COLEC10: variants seen among roughly 807,000 people sequenced by gnomAD.
The protein encoded by COLEC10 is collectin subfamily member 10, also known as collectin-10.
Under a neutral mutation model 28.4 loss-of-function variants are expected in COLEC10, and 22 were observed. The ratio of observed to expected loss-of-function variants is 0.78; its 90% CI spans 0.55 to 1.11. The LOEUF (loss-of-function observed/expected upper bound fraction) is 1.11, where lower values mean the gene tolerates loss of function less well. Ranked by LOEUF, COLEC10 falls within the 50% of genes least tolerant of loss-of-function variation. The probability of loss-of-function intolerance (pLI) is 0.00; values close to 1 mark genes in which losing one functional copy is unlikely to be tolerated. For synonymous variants in COLEC10, 125 were observed against 116.1 expected (o/e 1.08, Z -0.49); for missense variants, 361 against 344.1 (o/e 1.05, Z -0.39).
At chr8:119,001,943 A>C (rs1209082057) in intron 1 of COLEC10, among the ~76,000 whole-genome samples, 1 of 152,342 alleles carries the variant, frequency 6.6e-6, no homozygotes, top group East Asian at 1.9e-4. Context: ...TCAAAACCAT[A>C]TTCAATTTGT....
chr8:119,058,152 A>T (rs1055494411), intron 2 of COLEC10, among the ~76,000 whole-genome samples: 5 of 152,046 alleles, frequency 3.3e-5, no homozygotes, highest in South Asian at 2.1e-4. Flanking sequence ...GTCAAAATAC[A>T]ATTTGTCTAC....
upstream of COLEC10, among the ~76,000 whole-genome samples, chr8:119,064,650 C>G (rs1814920283): frequency 6.6e-6 from 1 of 152,188 alleles, no homozygotes; most frequent in South Asian, 2.1e-4. Flanking sequence ...CAGTATTTTT[C>G]TATCACTGTT....
At chr8:119,025,349 G>A (rs570349666) in intron 2 of COLEC10, among the ~76,000 whole-genome samples, 19 of 152,240 alleles carry the variant, frequency 1.2e-4, no homozygotes, top group Non-Finnish European at 2.1e-4. Flanking sequence ...GCTTGGTACT[G>A]CACTCTGCTA....
At chr8:119,017,324 A>G (rs958224757) in intron 2 of COLEC10, among the ~76,000 whole-genome samples, 1 of 152,184 alleles carries the variant, frequency 6.6e-6, no homozygotes, top group Admixed American at 6.6e-5. Context: ...GGCAATACCT[A>G]CCAAGAAAAT....
At chr8:119,069,448 T>G (rs777614185) in intron 1 of COLEC10, among the ~76,000 whole-genome samples, 45 of 149,698 alleles carry the variant, frequency 3.0e-4, no homozygotes, top group Non-Finnish European at 6.2e-4. Flanking sequence ...TTAAAATAAT[T>G]TTTTAAAAAT....
chr8:118,976,395 G>A, the COLEC10 span: 3 of 152,086 alleles, frequency 2.0e-5, no homozygotes. Context: ...GGATTAAAGA[G>A]TAGTCTCCTT....
chr8:119,102,263 C>G, intron 3 of COLEC10, 85 bp from the exon 4 acceptor site: 1 of 413,184 alleles, frequency 2.4e-6, no homozygotes, highest in Non-Finnish European at 4.3e-6. Context: ...TTCCTTCCTT[C>G]ATTCCCTTCC....
In COLEC10 at chr8:119,108,318, T is replaced by G. The variant is rs901314270; in HGVS notation, c.*2127T>G. Among the ~76,000 whole-genome samples the G allele has an allele frequency of 2.6e-5, 4 of 152,184 alleles. No individual in the cohort carries two copies. The highest frequency in any genetic ancestry group is 9.6e-5 in the African/African-American group (4 of 41,452). On this transcript the variant is annotated 3_prime_UTR_variant, in exon 6 of 6. Transcript: ENST00000332843. ...AGAGGAAGGAGAGACATGCAGCAAA[T>G]GTTGCCTACGGGCAACTTCATGTTA...
At chr8:118,973,171 C>T in the COLEC10 span, among the ~76,000 whole-genome samples, 3 of 151,984 alleles carry the variant, frequency 2.0e-5, no homozygotes, top group African/African-American at 4.8e-5. Context: ...ATGGCTTGAG[C>T]TTCCTAACTG....
chr8:119,030,730 A>T (rs1436624542), intron 2 of COLEC10, among the ~76,000 whole-genome samples: 1 of 152,196 alleles, frequency 6.6e-6, no homozygotes, highest in Non-Finnish European at 1.5e-5. Context: ...TGTTTTGAAA[A>T]TTTTTAAGAA....
At chr8:119,021,493 A>G (rs1175180266) in intron 2 of COLEC10, among the ~76,000 whole-genome samples, 1 of 152,154 alleles carries the variant, frequency 6.6e-6, no homozygotes, top group African/African-American at 2.4e-5. Context: ...GGCAGGAATT[A>G]CTACTGCTGG....
At chr8:119,014,893 C>A (rs556904352) in intron 2 of COLEC10, among the ~76,000 whole-genome samples, 1 of 151,098 alleles carries the variant, frequency 6.6e-6, no homozygotes, top group Non-Finnish European at 1.5e-5. Flanking sequence ...TATGTTACAA[C>A]ATTTCATGTT....
intron 1 of COLEC10, among the ~76,000 whole-genome samples, chr8:119,077,243 A>ATTTTTTTTTTTTTTTTTTTTT (rs762180766): frequency 4.4e-5 from 4 of 90,286 alleles, no homozygotes; most frequent in Non-Finnish European, 4.3e-5. Flanking sequence ...GTAGAGAATG[A>ATTTTTTTTTTTTTTTTTTTTT]TTTTTTTTTT....
chr8:118,996,498 T>A (rs150182331), intron 1 of COLEC10, among the ~76,000 whole-genome samples: 79 of 152,340 alleles, frequency 5.2e-4, no homozygotes, highest in African/African-American at 1.9e-3. Flanking sequence ...AGAGTTTTAA[T>A]TTCTCTGCAT....
At chr8:119,006,232 T>C (rs1334993483) in intron 1 of COLEC10, among the ~76,000 whole-genome samples, 1 of 152,052 alleles carries the variant, frequency 6.6e-6, no homozygotes, top group Non-Finnish European at 1.5e-5. Flanking sequence ...ACCTGAGTAG[T>C]GTGAGAATAG....
At chr8:119,051,724 T>G (rs1814679436) in intron 2 of COLEC10, among the ~76,000 whole-genome samples, 2 of 152,238 alleles carry the variant, frequency 1.3e-5, no homozygotes, top group Non-Finnish European at 2.9e-5. Context: ...TGAAGGGTGA[T>G]GACATTTAAA....
the COLEC10 span, among the ~76,000 whole-genome samples, chr8:118,960,311 T>C: frequency 6.6e-6 from 1 of 152,306 alleles, no homozygotes; most frequent in East Asian, 1.9e-4. Context: ...CCAGGTGCTA[T>C]TGTTTTACGG....
chr8:118,962,240 A>G, the COLEC10 span, among the ~76,000 whole-genome samples: 1 of 152,180 alleles, frequency 6.6e-6, no homozygotes, highest in South Asian at 2.1e-4. Context: ...GGCGAGTACC[A>G]ACCTATGCAT....
intron 1 of COLEC10, among the ~76,000 whole-genome samples, chr8:119,070,551 C>CCT (rs375495149): frequency 1.7e-4 from 9 of 52,950 alleles, no homozygotes; most frequent in South Asian, 8.9e-4. Flanking sequence ...TCTCCCTCTC[C>CCT]CTCTCTCTCT....
Sources: allele counts gnomAD v4.1 joint callset (sites outside exome capture counted in the v4.1 genomes callset), GRCh38; gene constraint gnomAD v4.1.1; transcripts MANE v1.5; gene names NCBI Gene and HGNC (gene_info 2026-07-23, HGNC 2026-07-21).